PLAC1: variants seen among roughly 807,000 people sequenced by gnomAD.
PLAC1 encodes the protein placenta associated 1.
For missense variants in PLAC1, 136 were observed against 163.2 expected, an observed-to-expected ratio of 0.83 and a Z score of 0.91; for synonymous variants, 68 against 62.1, an observed-to-expected ratio of 1.09 and a Z score of -0.44.
chrX:134,608,682 T>C (rs1602833052), intron 1 of PLAC1, among the ~76,000 whole-genome samples: 1 of 14,114 alleles, frequency 7.1e-5, no homozygotes, highest in South Asian at 1.0e-3. Context: ...CTTTTTTCTT[T>C]TTTTTTTTTT....
intron 2 of PLAC1, among the ~76,000 whole-genome samples, chrX:134,685,576 G>A (rs1365925985): frequency 9.5e-6 from 1 of 105,060 alleles, no homozygotes; most frequent in African/African-American, 3.5e-5. Context: ...CCTCAGAGAA[G>A]CTCAAGCTTG....
At chrX:134,574,352 C>A (rs757417567) in intron 2 of PLAC1, among the ~76,000 whole-genome samples, 2 of 112,383 alleles carry the variant, frequency 1.8e-5, no homozygotes, top group Non-Finnish European at 3.8e-5. Context: ...AAATCACCAC[C>A]TGCCCCTGTG....
At chrX:134,706,697 C>CA (rs201967164) in intron 2 of PLAC1, among the ~76,000 whole-genome samples, 1,650 of 110,557 alleles carry the variant, frequency 0.015, 16 homozygotes, top group Non-Finnish European at 0.024. Context: ...AAACAAAGGG[C>CA]AAAAAATCTC....
upstream of PLAC1, among the ~76,000 whole-genome samples, chrX:134,659,888 G>C (rs2078409515): frequency 9.0e-6 from 1 of 111,400 alleles, no homozygotes; most frequent in African/African-American, 3.3e-5. Context: ...GTACTAAGTG[G>C]CAGAGCCAGA....
At chrX:134,712,654 T>C (rs1052305398) in intron 2 of PLAC1, among the ~76,000 whole-genome samples, 3 of 111,133 alleles carry the variant, frequency 2.7e-5, no homozygotes, top group African/African-American at 9.8e-5. Context: ...TCTGCAAAAT[T>C]TGGGGGCCAA....
At chrX:134,571,578 C>T (rs2077908375) in intron 2 of PLAC1, among the ~76,000 whole-genome samples, 1 of 111,583 alleles carries the variant, frequency 9.0e-6, no homozygotes, top group Non-Finnish European at 1.9e-5. Context: ...TTACCATGAG[C>T]TCTATTTCTT....
intron 2 of PLAC1, among the ~76,000 whole-genome samples, chrX:134,706,110 G>A (rs1279089355): frequency 3.6e-5 from 4 of 112,288 alleles, no homozygotes; most frequent in South Asian, 7.3e-4. Context: ...GCCTGCTTTC[G>A]CTAGCCAGTG....
At chrX:134,579,409 G>T (rs767458095) in intron 2 of PLAC1, among the ~76,000 whole-genome samples, 1 of 112,022 alleles carries the variant, frequency 8.9e-6, no homozygotes, top group Non-Finnish European at 1.9e-5. Context: ...CACCATGAAA[G>T]AAAAGGAAAG....
At chrX:134,670,303 C>CA (rs1428337892) in intron 2 of PLAC1, among the ~76,000 whole-genome samples, 2 of 111,305 alleles carry the variant, frequency 1.8e-5, no homozygotes, top group African/African-American at 6.5e-5. Flanking sequence ...CCAACTGCCT[C>CA]ATGCCTGAGG....
intron 1 of PLAC1, among the ~76,000 whole-genome samples, chrX:134,651,623 CA>C (rs2078363575): frequency 9.0e-6 from 1 of 111,393 alleles, no homozygotes. Flanking sequence ...CTGTCAGCGC[CA>C]TGGGTTCTCC....
chrX:134,686,743 C>A (rs5933448), intron 2 of PLAC1, among the ~76,000 whole-genome samples: 1 of 110,602 alleles, frequency 9.0e-6, no homozygotes, highest in Non-Finnish European at 1.9e-5. Context: ...GGGCCAGCGC[C>A]GAGGCTTGAT....
intron 2 of PLAC1, among the ~76,000 whole-genome samples, chrX:134,592,250 T>C (rs1316039186): frequency 8.9e-6 from 1 of 112,279 alleles, no homozygotes; most frequent in Non-Finnish European, 1.9e-5. Context: ...TATTTAAACA[T>C]TTTAAAATAG....
intron 1 of PLAC1, among the ~76,000 whole-genome samples, chrX:134,625,074 A>G (rs747839939): frequency 2.7e-5 from 3 of 111,842 alleles, no homozygotes; most frequent in Non-Finnish European, 5.6e-5. Flanking sequence ...ACTTTCCCAC[A>G]TAGAAAGTCA....
intron 2 of PLAC1, among the ~76,000 whole-genome samples, chrX:134,711,031 T>C (rs911783104): frequency 8.9e-6 from 1 of 112,218 alleles, no homozygotes; most frequent in Non-Finnish European, 1.9e-5. Flanking sequence ...CATTTTTTAT[T>C]TTTAAAGAAG....
At position 134,566,233 on chromosome X, in the gene PLAC1, G is replaced by A. The variant is rs750645266; in HGVS notation, c.450C>T (p.Phe150=). 1 of 1,211,415 alleles carries A rather than the reference G, an allele frequency of 8.3e-7. No individual in the cohort carries two copies. Among genetic ancestry groups the A allele is most frequent in the Non-Finnish European group, 1.1e-6 (1 of 895,188 alleles). ...AQKDEKCYEV[F]SLSQSSQRPN... ...GCCTTTGACTGGACTGTGACAAGCT[G>A]AACACCTCGTAGCATTTCTCATCCT... The change falls in exon 3 of 3, where the codon TTC becomes TTT. Residue 150 remains phenylalanine, a synonymous_variant. Transcript: ENST00000359237.
chrX:134,648,928 G>A (rs1423336236), intron 1 of PLAC1, among the ~76,000 whole-genome samples: 1 of 111,524 alleles, frequency 9.0e-6, no homozygotes, highest in Admixed American at 9.5e-5. Context: ...GTTAAATATA[G>A]CCATTGTTAA....
chrX:134,590,081 G>A (rs970778450), intron 2 of PLAC1, among the ~76,000 whole-genome samples: 1 of 110,031 alleles, frequency 9.1e-6, no homozygotes, highest in Non-Finnish European at 1.9e-5. Flanking sequence ...TGTAGTCCCA[G>A]CTACTTGGGA....
chrX:134,653,124 C>T (rs1290443567), intron 1 of PLAC1, among the ~76,000 whole-genome samples: 1 of 112,571 alleles, frequency 8.9e-6, no homozygotes, highest in East Asian at 2.8e-4. Context: ...CCTGTGGGGC[C>T]ATATATGAGA....
intron 1 of PLAC1, among the ~76,000 whole-genome samples, chrX:134,629,800 A>G (rs1464937734): frequency 9.0e-6 from 1 of 110,987 alleles, no homozygotes; most frequent in African/African-American, 3.3e-5. Context: ...GTCTTCAGGG[A>G]GAACTTCACT....
Sources: allele counts gnomAD v4.1 joint callset (sites outside exome capture counted in the v4.1 genomes callset), GRCh38; gene constraint gnomAD v4.1.1; transcripts MANE v1.5; gene names NCBI Gene and HGNC (gene_info 2026-07-23, HGNC 2026-07-21).